Variants in SLC22A9 observed in about 807,000 individuals in gnomAD.
SLC22A9 encodes solute carrier family 22 member 9, also known as organic anion transporter 7.
SLC22A9 carries 64 observed loss-of-function variants against 50.1 expected under a neutral mutation model. The observed-to-expected ratio is 1.28, with a 90% CI of 1.04 to 1.57. The LOEUF (loss-of-function observed/expected upper bound fraction) is 1.57. SLC22A9 is among the 40% of genes most tolerant of loss of function. SLC22A9 has a pLI of 0.00. For missense variants in SLC22A9, 757 were observed against 676.1 expected, an observed-to-expected ratio of 1.12 and a Z score of -1.33; for synonymous variants, 261 against 242.5, an observed-to-expected ratio of 1.08 and a Z score of -0.71.
In SLC22A9 at chr11:63,397,908, C is replaced by G. The variant is rs540056670; in HGVS notation, c.1074-8589C>G. ...CTGAGTTGGTACCTAAGCTGCAAGACGAAGCCTCCTTTAATCTTGGCTCTT... is the reference window on the plus strand; with the variant it reads ...CTGAGTTGGTACCTAAGCTGCAAGAGGAAGCCTCCTTTAATCTTGGCTCTT... On this transcript the variant is annotated intron_variant, in intron 6 of 9. Transcript: ENST00000279178. 2.6e-5 allele frequency among the ~76,000 whole-genome samples: 4 copies of G among 152,168 alleles called. 1 individual carries two copies. The South Asian group carries it at 8.3e-4, about 32-fold the overall frequency.
chr11:63,390,996 C>A (rs938769552), intron 6 of SLC22A9, among the ~76,000 whole-genome samples: 1 of 151,822 alleles, frequency 6.6e-6, no homozygotes, highest in African/African-American at 2.4e-5. Flanking sequence ...TTGCTGTATC[C>A]CGTAGGTTTT....
At chr11:63,388,746 A>T (rs2014711808) in intron 6 of SLC22A9, among the ~76,000 whole-genome samples, 1 of 152,010 alleles carries the variant, frequency 6.6e-6, no homozygotes, top group African/African-American at 2.4e-5. Context: ...ATATGATAAA[A>T]ATGGCATTAG....
intron 5 of SLC22A9, among the ~76,000 whole-genome samples, chr11:63,379,218 C>T (rs933598969): frequency 6.6e-6 from 1 of 152,016 alleles, no homozygotes; most frequent in Non-Finnish European, 1.5e-5. Context: ...TAATGCCATA[C>T]CTCTACAACC....
Position 63,400,241 on chromosome 11 carries a change from T to C in SLC22A9, c.1074-6256T>C, listed in dbSNP as rs565826362. ...AAGTCAAAAGTTGTTTTGTGAAAAA[T>C]AAACAACATCAACAAGGCTTTATGC... is the stretch of plus-strand genomic sequence containing the variant. On this transcript the variant is annotated intron_variant, in intron 6 of 9. Transcript: ENST00000279178. 6.6e-5 allele frequency among the ~76,000 whole-genome samples: 10 copies of C among 151,268 alleles called. No homozygotes were observed. The South Asian group carries it at 2.1e-3, about 32-fold the overall frequency.
chr11:63,389,595 G>T (rs1010037176), intron 6 of SLC22A9, among the ~76,000 whole-genome samples: 1 of 152,080 alleles, frequency 6.6e-6, no homozygotes, highest in African/African-American at 2.4e-5. Context: ...TGGGCATTTG[G>T]GTTGGTTCCA....
intron 6 of SLC22A9, among the ~76,000 whole-genome samples, chr11:63,391,564 C>A (rs866421653): frequency 2.0e-5 from 3 of 151,850 alleles, no homozygotes; most frequent in Non-Finnish European, 4.4e-5. Context: ...TATATAATTA[C>A]CTTCTTTGTC....
At position 63,408,739 on chromosome 11, in the gene SLC22A9, G is replaced by C; in HGVS notation, c.1461G>C (p.Met487Ile). Residue 487 changes from methionine (M) to isoleucine (I), a missense_variant, in exon 9 of 10, where the codon ATG (methionine) becomes ATC (isoleucine). Coordinates refer to ENST00000279178, the MANE Select transcript of SLC22A9 (RefSeq NM_080866.3). ...TAGCAGGAGCCCTGGCTCCCCTCAT[G>C]ATGATCCTAAGTGTGTATTCTCCAC... is the stretch of plus-strand genomic sequence containing the variant. ...ANIAGALAPL[M>I]MILSVYSPPL... 1 of 1,614,014 alleles carries C rather than the reference G, an allele frequency of 6.2e-7. No homozygotes were observed. Among genetic ancestry groups the C allele is most frequent in the South Asian group, 1.1e-5 (1 of 91,078 alleles).
In SLC22A9 at chr11:63,371,222, G is replaced by C. The variant is rs138297035; in HGVS notation, c.490G>C (p.Gly164Arg). 9 of 1,612,728 alleles carry C rather than the reference G, an allele frequency of 5.6e-6. No homozygotes were observed. Among genetic ancestry groups the C allele is most frequent in the African/African-American group, 1.3e-5 (1 of 74,944 alleles). Residue 164 changes from glycine (G) to arginine (R), a missense_variant, in exon 2 of 10, where the codon GGT becomes CGT. Gly to Arg is a moderately radical substitution (Grantham distance 125, BLOSUM62 -2). Coordinates refer to ENST00000279178, the MANE Select transcript of SLC22A9 (RefSeq NM_080866.3). ...AGMMVGGILG[G>R]HLSDRFGRRF... is the part of the protein sequence containing the mutation. ...AATGATGGTGGGAGGCATCCTAGGC[G>C]GTCATTTATCAGACAGGTGAGTGTG...
intron 6 of SLC22A9, 79 bp downstream of exon 6, chr11:63,382,356 T>G: frequency 1.0e-6 from 1 of 995,430 alleles, no homozygotes; most frequent in Non-Finnish European, 1.5e-6. Context: ...TAGTACAGCA[T>G]GTTTAGGAAA....
intron 6 of SLC22A9, among the ~76,000 whole-genome samples, chr11:63,385,266 A>T (rs937890385): frequency 3.3e-5 from 5 of 151,222 alleles, no homozygotes; most frequent in Admixed American, 2.0e-4. Context: ...GGATTGTCCC[A>T]GCTATATGAG....
At chr11:63,374,220 G>C (rs1252407906) in intron 4 of SLC22A9, among the ~76,000 whole-genome samples, 158 bp downstream of exon 4, 1 of 152,108 alleles carries the variant, frequency 6.6e-6, no homozygotes, top group Non-Finnish European at 1.5e-5. Context: ...AGAACACATA[G>C]AGTTTCCTGA....
At chr11:63,379,011 A>C (rs2014513827) in intron 5 of SLC22A9, among the ~76,000 whole-genome samples, 1 of 152,216 alleles carries the variant, frequency 6.6e-6, no homozygotes, top group Non-Finnish European at 1.5e-5. Flanking sequence ...GAATTAGAGA[A>C]AACTATTCTA....
intron 6 of SLC22A9, among the ~76,000 whole-genome samples, chr11:63,398,735 T>C (rs1160568798): frequency 6.6e-6 from 1 of 152,182 alleles, no homozygotes; most frequent in Non-Finnish European, 1.5e-5. Flanking sequence ...AGGAAGTCTT[T>C]CCTACCCTCT....
Position 63,408,892 on chromosome 11 carries a change from C to A in SLC22A9, c.1601+13C>A. 6.2e-7 allele frequency: 1 copy of A among 1,613,304 alleles called. No homozygotes were observed. The highest frequency in any genetic ancestry group is 8.5e-7 in the Non-Finnish European group (1 of 1,179,422). On this transcript the variant is annotated intron_variant, in intron 9 of 9. Coordinates refer to ENST00000279178, the MANE Select transcript of SLC22A9 (RefSeq NM_080866.3). Reference sequence around the variant, plus strand: ...ATGAGAAAAATGAGTGAGTAAATAGCCCGGTTGCCCCTCAGAGGATCTGTG... The same window carrying A: ...ATGAGAAAAATGAGTGAGTAAATAGACCGGTTGCCCCTCAGAGGATCTGTG...
Position 63,386,580 on chromosome 11 carries a change from A to G in SLC22A9, c.1073+4303A>G, listed in dbSNP as rs143902738. 6.3e-3 allele frequency among the ~76,000 whole-genome samples: 926 copies of G among 147,878 alleles called. 10 individuals are homozygous for G. Among genetic ancestry groups the G allele is most frequent in the African/African-American group, 0.021 (849 of 40,058 alleles). On this transcript the variant is annotated intron_variant, in intron 6 of 9. Transcript: ENST00000279178. ...GGTGTATGTGTCCAGGAATTTATCTATTTCTTCTAAATTTTCTAGTTTATT... is the reference window on the plus strand; with the variant it reads ...GGTGTATGTGTCCAGGAATTTATCTGTTTCTTCTAAATTTTCTAGTTTATT...
intron 6 of SLC22A9, among the ~76,000 whole-genome samples, chr11:63,403,768 A>C (rs1021979430): frequency 5.3e-5 from 8 of 152,134 alleles, no homozygotes; most frequent in Non-Finnish European, 1.0e-4. Context: ...CACGTAAAAA[A>C]TGAAATAGCA....
In SLC22A9 at chr11:63,370,062, C is replaced by T; in HGVS notation, c.6C>T (p.Ala2=). M[A]FQDLLGHAGD... is the part of the protein sequence containing the mutation. The stretch of plus-strand genomic sequence containing the variant: ...GGATCAACTGTTCAACCTCAATGGC[C>T]TTTCAGGACCTCCTGGGTCACGCTG... The change falls in exon 1 of 10, where the codon GCC becomes GCT. Residue 2 remains alanine, a synonymous_variant. Coordinates refer to ENST00000279178, the MANE Select transcript of SLC22A9 (RefSeq NM_080866.3). 3 of 1,610,066 alleles carry T rather than the reference C, an allele frequency of 1.9e-6. No individual in the cohort carries two copies. Among genetic ancestry groups the T allele is most frequent in the Admixed American group, 1.7e-5 (1 of 59,838 alleles).
At chr11:63,392,061 G>A (rs188222599) in intron 6 of SLC22A9, among the ~76,000 whole-genome samples, 15 of 152,146 alleles carry the variant, frequency 9.9e-5, no homozygotes, top group Admixed American at 3.9e-4. Context: ...CAATGTAACA[G>A]TAATTGCATA....
Position 63,382,399 on chromosome 11 carries a change from A to AAG in SLC22A9, c.1073+126_1073+127dup, listed in dbSNP as rs1287918449. ...GCACATAAAAGATGAGAAAGCCGTA[A>AAG]AGAGAATTGCTGTGTTTGAATGTAG... On this transcript the variant is annotated intron_variant, in intron 6 of 9. Coordinates refer to ENST00000279178, the MANE Select transcript of SLC22A9 (RefSeq NM_080866.3). 5 of 676,986 alleles carry AAG rather than the reference A, an allele frequency of 7.4e-6. No individual in the cohort carries two copies. The South Asian group carries it at 1.2e-4, about 16-fold the overall frequency. The allele number at this position is 676,986 out of a possible 1,614,324, so 41.9% of individuals were successfully genotyped here.
Sources: gnomAD v4.1 joint callset for allele counts (sites outside exome capture counted in the v4.1 genomes callset) on GRCh38, gnomAD v4.1.1 for gene constraint, MANE v1.5 for transcripts, NCBI Gene and HGNC (gene_info 2026-07-23, HGNC 2026-07-21) for gene names.